Variants in GAPVD1 observed in about 807,000 individuals in gnomAD.
GAPVD1 encodes GTPase-activating protein and VPS9 domain-containing protein 1.
In GAPVD1, 35 loss-of-function variants were observed where a neutral mutation model predicts 155.5. The ratio of observed to expected loss-of-function variants is 0.23; its 90% CI spans 0.17 to 0.30. The LOEUF (loss-of-function observed/expected upper bound fraction) is 0.30. GAPVD1 is among the 10% of genes least tolerant of loss of function. The probability of loss-of-function intolerance (pLI) is 1.00; values close to 1 mark genes in which losing one functional copy is unlikely to be tolerated. For missense variants in GAPVD1, 1,429 were observed against 1,775.7 expected (o/e 0.80, Z 3.51); for synonymous variants, 636 against 619.7 (o/e 1.03, Z -0.39).
At chr9:125,268,371 G>A (rs763281775) in intron 1 of GAPVD1, among the ~76,000 whole-genome samples, 6 of 151,878 alleles carry the variant, frequency 4.0e-5, no homozygotes, top group Admixed American at 6.6e-5. Context: ...TGATCATGGC[G>A]TTCTGGAAAT....
chr9:125,313,298 T>C (rs1363835163), intron 9 of GAPVD1, among the ~76,000 whole-genome samples: 1 of 151,624 alleles, frequency 6.6e-6, no homozygotes, highest in African/African-American at 2.4e-5. Flanking sequence ...TTTTTTTCTT[T>C]TTCTTTTTCT....
chr9:125,283,070 T>TTATG (rs1368406612), intron 2 of GAPVD1, among the ~76,000 whole-genome samples: 3 of 149,984 alleles, frequency 2.0e-5, no homozygotes, highest in Admixed American at 1.3e-4. Context: ...ATTTATTTAT[T>TTATG]TATGTTTGAG....
At chr9:125,355,510 C>T (rs1849941455) in intron 24 of GAPVD1, 134 bp from the exon 25 acceptor site, 1 of 604,972 alleles carries the variant, frequency 1.7e-6, no homozygotes, top group African/African-American at 1.9e-5. Context: ...AAATAAACTA[C>T]ACTGAAACAC....
intron 8 of GAPVD1, among the ~76,000 whole-genome samples, chr9:125,311,030 G>A (rs528644683): frequency 2.6e-5 from 4 of 151,062 alleles, no homozygotes; most frequent in African/African-American, 7.3e-5. Context: ...TAGTAGAGAC[G>A]GGGTTTCACC....
intron 2 of GAPVD1, among the ~76,000 whole-genome samples, chr9:125,278,131 C>T (rs541775018): frequency 5.1e-4 from 78 of 152,250 alleles, no homozygotes; most frequent in East Asian, 1.2e-3. Flanking sequence ...AATAAATCGT[C>T]GTGATTCAAC....
At chr9:125,325,356 A>G (rs932669422) in intron 11 of GAPVD1, among the ~76,000 whole-genome samples, 3 of 151,696 alleles carry the variant, frequency 2.0e-5, no homozygotes, top group Non-Finnish European at 4.4e-5. Flanking sequence ...CCCTGTCTCT[A>G]CTAAAAATAC....
chr9:125,336,299 A>G (rs565316572), intron 15 of GAPVD1, among the ~76,000 whole-genome samples: 1 of 151,206 alleles, frequency 6.6e-6, no homozygotes, highest in South Asian at 2.1e-4. Flanking sequence ...CCAAAAAAAA[A>G]AAAAAACAAA....
At chr9:125,290,994 TAAA>T (rs35661152) in intron 2 of GAPVD1, among the ~76,000 whole-genome samples, 6 of 115,372 alleles carry the variant, frequency 5.2e-5, no homozygotes, top group Non-Finnish European at 7.3e-5. Flanking sequence ...TGTCTCAAAG[TAAA>T]AAAAAAAAAA....
At chr9:125,319,603 T>A (rs1398807888) in intron 9 of GAPVD1, among the ~76,000 whole-genome samples, 1 of 138,174 alleles carries the variant, frequency 7.2e-6, no homozygotes, top group Admixed American at 7.2e-5. Context: ...AAAAAAAACT[T>A]TTTTTTTTTT....
At chr9:125,311,342 C>T (rs1842659445) in intron 8 of GAPVD1, among the ~76,000 whole-genome samples, 1 of 152,158 alleles carries the variant, frequency 6.6e-6, no homozygotes, top group African/African-American at 2.4e-5. Flanking sequence ...TGATTCTGGG[C>T]TGGGCACGGT....
intron 1 of GAPVD1, among the ~76,000 whole-genome samples, chr9:125,264,821 C>T (rs528221215): frequency 4.6e-5 from 7 of 151,834 alleles, no homozygotes; most frequent in African/African-American, 1.7e-4. Flanking sequence ...CGGGTTCATG[C>T]CATTCTCCTG....
intron 17 of GAPVD1, among the ~76,000 whole-genome samples, chr9:125,339,379 G>A (rs915363157): frequency 1.3e-5 from 2 of 152,194 alleles, no homozygotes; most frequent in Admixed American, 6.5e-5. Context: ...GCCCCTTCAG[G>A]CTGGCTCCTG....
At position 125,362,719 on chromosome 9, in the gene GAPVD1, C is replaced by T. The variant is rs1278633615; in HGVS notation, c.4356C>T (p.Phe1452=). Residue 1452 remains phenylalanine, a synonymous_variant, in exon 28 of 28, where the codon TTC becomes TTT. Transcript: ENST00000297933. ...WWMQFTAAVE[F]IKTIDDRK ...TGCAGTTCACAGCAGCAGTAGAATT[C>T]ATTAAAACCATCGATGACCGAAAGT... 11 of 1,613,584 alleles carry T rather than the reference C, an allele frequency of 6.8e-6. No individual in the cohort carries two copies. Among genetic ancestry groups the T allele is most frequent in the Admixed American group, 3.3e-5 (2 of 59,960 alleles).
chr9:125,293,855 TATATA>T (rs1839192019), intron 2 of GAPVD1, among the ~76,000 whole-genome samples: 13 of 4,224 alleles, frequency 3.1e-3, no homozygotes, highest in South Asian at 0.013. Context: ...ATATATTTTA[TATATA>T]TATATATATA....
At chr9:125,301,447 T>C (rs1840841035) in intron 4 of GAPVD1, among the ~76,000 whole-genome samples, 1 of 152,030 alleles carries the variant, frequency 6.6e-6, no homozygotes, top group African/African-American at 2.4e-5. Context: ...ATTTTCTTTC[T>C]TTCTTTCTTT....
chr9:125,293,862 A>ATAAATATATTTTT (rs1283076804), intron 2 of GAPVD1, among the ~76,000 whole-genome samples: 7 of 13,736 alleles, frequency 5.1e-4, no homozygotes, highest in African/African-American at 2.9e-3. Flanking sequence ...TTATATATAT[A>ATAAATATATTTTT]TATATATATA....
chr9:125,352,858 G>A (rs942254390), intron 23 of GAPVD1, among the ~76,000 whole-genome samples: 2 of 152,130 alleles, frequency 1.3e-5, no homozygotes, highest in African/African-American at 4.8e-5. Context: ...TGTAATCCTA[G>A]CACTTTGGGA....
At chr9:125,285,530 T>G (rs980664186) in intron 2 of GAPVD1, among the ~76,000 whole-genome samples, 1 of 136,090 alleles carries the variant, frequency 7.3e-6, no homozygotes, top group Non-Finnish European at 1.5e-5. Flanking sequence ...CGATCTCGGG[T>G]TCAAGTGATT....
At chr9:125,342,680 C>T (rs1162142509) in intron 19 of GAPVD1, among the ~76,000 whole-genome samples, 5 of 152,156 alleles carry the variant, frequency 3.3e-5, no homozygotes, top group African/African-American at 1.2e-4. Flanking sequence ...ATAGTTTTCT[C>T]TAACATTGAT....
Sources: allele counts gnomAD v4.1 joint callset (sites outside exome capture counted in the v4.1 genomes callset), GRCh38; gene constraint gnomAD v4.1.1; transcripts MANE v1.5; gene names NCBI Gene and HGNC (gene_info 2026-07-23, HGNC 2026-07-21).